PUM1: variants seen among roughly 807,000 people sequenced by gnomAD.
The protein encoded by PUM1 is pumilio RNA binding family member 1.
Under a neutral mutation model 131.8 loss-of-function variants are expected in PUM1, and 13 were observed. That is an observed-to-expected ratio of 0.10 (90% CI 0.06 to 0.16). The LOEUF (loss-of-function observed/expected upper bound fraction) is 0.16, where lower values mean the gene tolerates loss of function less well. PUM1 is among the 10% of genes least tolerant of loss of function. The pLI, the probability that PUM1 is intolerant of heterozygous loss-of-function variation, is 1.00. For synonymous variants in PUM1, 509 were observed against 556.5 expected, an observed-to-expected ratio of 0.91 and a Z score of 1.20; for missense variants, 961 against 1,512.4, an observed-to-expected ratio of 0.64 and a Z score of 6.05.
intron 9 of PUM1, among the ~76,000 whole-genome samples, chr1:30,978,490 A>T (rs1641229227): frequency 6.6e-6 from 1 of 152,250 alleles, no homozygotes; most frequent in African/African-American, 2.4e-5. Flanking sequence ...CTATCTTCCC[A>T]TCATAACCAT....
intron 20 of PUM1, 39 bp from the exon 21 acceptor site, chr1:30,936,874 A>G (rs775928132): frequency 1.3e-6 from 2 of 1,517,450 alleles, no homozygotes; most frequent in African/African-American, 1.4e-5. Flanking sequence ...CTTACAAGAG[A>G]GGCCCCTGTT....
chr1:31,015,445 C>G (rs1452650557), intron 3 of PUM1, among the ~76,000 whole-genome samples: 1 of 150,680 alleles, frequency 6.6e-6, no homozygotes, highest in Non-Finnish European at 1.5e-5. Flanking sequence ...GGGTTCACGC[C>G]ATTCTCCTGC....
At chr1:30,996,932 T>C (rs1204041939) in intron 5 of PUM1, among the ~76,000 whole-genome samples, 1 of 143,124 alleles carries the variant, frequency 7.0e-6, no homozygotes, top group Non-Finnish European at 1.5e-5. Flanking sequence ...TGAAGAAAAT[T>C]AAAAGGAACA....
At chr1:31,006,149 A>C in intron 4 of PUM1, 118 bp from the exon 5 acceptor site, 1 of 758,376 alleles carries the variant, frequency 1.3e-6, no homozygotes, top group Non-Finnish European at 2.0e-6. Flanking sequence ...TTGAGCCAAA[A>C]CCTCCTATCA....
At chr1:30,941,451 C>T (rs778865703) in intron 19 of PUM1, among the ~76,000 whole-genome samples, 179 bp from the exon 20 acceptor site, 2 of 152,116 alleles carry the variant, frequency 1.3e-5, no homozygotes, top group African/African-American at 4.8e-5. Flanking sequence ...TATTACAAAA[C>T]AGGAACATAT....
chr1:31,000,596 A>G (rs1642172874), intron 5 of PUM1, among the ~76,000 whole-genome samples: 1 of 152,236 alleles, frequency 6.6e-6, no homozygotes, highest in African/African-American at 2.4e-5. Flanking sequence ...ATTCTGAATG[A>G]AGTCAGAAGA....
At chr1:30,950,030 A>G in intron 17 of PUM1, 97 bp downstream of exon 17, 1 of 1,411,038 alleles carries the variant, frequency 7.1e-7, no homozygotes, top group Non-Finnish European at 9.6e-7. Flanking sequence ...ATGCAAAACC[A>G]TAAAAGAAAA....
intron 6 of PUM1, among the ~76,000 whole-genome samples, 182 bp downstream of exon 6, chr1:30,994,872 C>T (rs1319687560): frequency 6.6e-6 from 1 of 152,164 alleles, no homozygotes; most frequent in Non-Finnish European, 1.5e-5. Context: ...GCATTGACAC[C>T]TTTTAGAAAA....
At chr1:30,936,462 AG>A (rs1296484482) in intron 21 of PUM1, among the ~76,000 whole-genome samples, 180 bp downstream of exon 21, 1 of 152,160 alleles carries the variant, frequency 6.6e-6, no homozygotes, top group Non-Finnish European at 1.5e-5. Context: ...TTGATAAGGG[AG>A]GGTTGGCAAA....
rs1185571627 is a variant in PUM1, at chr1:30,980,106, C to A, written c.1310G>T (p.Gly437Val). The change falls in exon 9 of 22, where the codon GGG (glycine) becomes GTG (valine). Residue 437 changes from glycine to valine, a missense_variant. By Grantham distance (109) the Gly-to-Val change is moderately radical. Around this residue, in one of 4 missense-constraint regions of PUM1, gnomAD observed 654 missense variants for 923.9 expected, o/e 0.71. Coordinates refer to ENST00000426105, the MANE Select transcript of PUM1 (RefSeq NM_001020658.2). Reference sequence around the variant, plus strand: ...CAATCCAGCTGTGTAGGGGTCCGTCCCTGGGGGAGCAGCGCTGATGATGTA... The same window carrying A: ...CAATCCAGCTGTGTAGGGGTCCGTCACTGGGGGAGCAGCGCTGATGATGTA... ...NPYIISAAPP[G>V]TDPYTAGLAA... 6.2e-7 allele frequency: 1 copy of A among 1,613,946 alleles called. No individual in the cohort carries two copies. Among genetic ancestry groups the A allele is most frequent in the Non-Finnish European group, 8.5e-7 (1 of 1,179,940 alleles).
In PUM1 at chr1:30,995,087, T is replaced by A. The variant is rs1337129439; in HGVS notation, c.854A>T (p.Gln285Leu). 7 of 1,614,088 alleles carry A rather than the reference T, an allele frequency of 4.3e-6. No individual in the cohort carries two copies. The highest frequency in any genetic ancestry group is 1.7e-5 in the Admixed American group (1 of 60,014). The change falls in exon 6 of 22, where the codon CAG (glutamine) becomes CTG (leucine). Residue 285 changes from glutamine (Q) to leucine (L), a missense_variant. Coordinates refer to ENST00000426105, the MANE Select transcript of PUM1 (RefSeq NM_001020658.2). The stretch of plus-strand genomic sequence containing the variant: ...TTTGACGTCTGCATCAATCCCATTC[T>A]GCACTGGTAAACCATTGGTCTTGTC... ...VMDKTNGLPV[Q>L]NGIDADVKDF...
chr1:31,054,568 G>C (rs1432907647), intron 2 of PUM1, among the ~76,000 whole-genome samples: 1 of 146,942 alleles, frequency 6.8e-6, no homozygotes, highest in Non-Finnish European at 1.5e-5. Context: ...AGGCCCAGTG[G>C]TAGGGTAGAA....
chr1:30,951,291 G>A (rs767635331), intron 16 of PUM1, among the ~76,000 whole-genome samples: 25 of 152,182 alleles, frequency 1.6e-4, no homozygotes, highest in Non-Finnish European at 2.4e-4. Context: ...AAACGGCAGT[G>A]CAAAGTCATT....
chr1:31,004,451 AAG>A (rs1642327386), intron 5 of PUM1, among the ~76,000 whole-genome samples: 1 of 152,194 alleles, frequency 6.6e-6, no homozygotes, highest in African/African-American at 2.4e-5. Context: ...AAGATGAGGA[AAG>A]AGTGAGGACA....
intron 2 of PUM1, among the ~76,000 whole-genome samples, chr1:31,037,963 C>T (rs61042172): frequency 7.2e-4 from 109 of 151,624 alleles, no homozygotes; most frequent in African/African-American, 2.5e-3. Context: ...CCTGTAGTCC[C>T]AGCTACTTGG....
At chr1:30,954,083 T>TTGAAG in intron 14 of PUM1, 102 bp from the exon 15 acceptor site, 2 of 1,235,890 alleles carry the variant, frequency 1.6e-6, no homozygotes, top group South Asian at 1.4e-5. Context: ...CATTTCTGAT[T>TTGAAG]TCTTCAATGC....
At chr1:30,957,421 C>G (rs1489018153) in intron 14 of PUM1, among the ~76,000 whole-genome samples, 1 of 152,100 alleles carries the variant, frequency 6.6e-6, no homozygotes, top group African/African-American at 2.4e-5. Context: ...AGTCTGAATA[C>G]CAACATGTAC....
chr1:31,034,432 C>A (rs562134341), intron 2 of PUM1, among the ~76,000 whole-genome samples: 123 of 152,242 alleles, frequency 8.1e-4, no homozygotes, highest in African/African-American at 2.8e-3. Flanking sequence ...TCGAGGTCAG[C>A]AGTTCAAGAC....
chr1:31,047,685 GTAATCC>G (rs1470676653), intron 2 of PUM1, among the ~76,000 whole-genome samples: 2 of 152,202 alleles, frequency 1.3e-5, no homozygotes, highest in Admixed American at 6.5e-5. Context: ...GCTCATTCCT[GTAATCC>G]CAGCACTCTG....
Sources: allele counts gnomAD v4.1 joint callset (sites outside exome capture counted in the v4.1 genomes callset), GRCh38; gene constraint gnomAD v4.1.1; regional missense constraint gnomAD v4.1.1; transcripts MANE v1.5; gene names NCBI Gene and HGNC (gene_info 2026-07-23, HGNC 2026-07-21).